CCDC144A: variants seen among roughly 807,000 people sequenced by gnomAD.
CCDC144A encodes the protein coiled-coil domain-containing protein 144A.
In CCDC144A, 41 loss-of-function variants were observed where a neutral mutation model predicts 143.8. The ratio of observed to expected loss-of-function variants is 0.29; its 90% CI spans 0.22 to 0.37. The LOEUF is 0.37. CCDC144A is among the 10% of genes least tolerant of loss of function. The pLI is 1.00. For synonymous variants in CCDC144A, 242 were observed against 517.9 expected, an observed-to-expected ratio of 0.47 and a Z score of 7.23; for missense variants, 637 against 1,488.8, an observed-to-expected ratio of 0.43 and a Z score of 9.41.
rs11535033 is a variant in CCDC144A at position 16,761,641 on chromosome 17, T to C, written c.3589T>C (p.Trp1197Arg). ...TATGTTAGAACGTGGTAAAGCTGAA[T>C]GGCATAAACTGTTGATTGAAGAAAG... The part of the protein sequence containing the change: ...RNMLERGKAE[W>R]HKLLIEERAR... The change falls in exon 13 of 17, where the codon TGG becomes CGG. Residue 1197 changes from tryptophan to arginine, a missense_variant. By Grantham distance (101) the Trp-to-Arg change is moderately radical. Transcript: ENST00000399273. 9 of 1,613,756 alleles carry C rather than the reference T, an allele frequency of 5.6e-6. No homozygotes were observed. Among genetic ancestry groups the C allele is most frequent in the African/African-American group, 2.7e-5 (2 of 75,060 alleles).
chr17:16,748,612 G>A (rs1314239851), intron 12 of CCDC144A, among the ~76,000 whole-genome samples: 1 of 152,144 alleles, frequency 6.6e-6, no homozygotes, highest in African/African-American at 2.4e-5. Context: ...CATACAATGA[G>A]TTAGGGAGAA....
intron 12 of CCDC144A, among the ~76,000 whole-genome samples, chr17:16,737,034 G>T (rs1914041275): frequency 6.6e-6 from 1 of 151,246 alleles, no homozygotes; most frequent in Non-Finnish European, 1.5e-5. Flanking sequence ...AACCGATTTG[G>T]CAGGAAGATA....
At chr17:16,700,445 A>G (rs913000582) in intron 2 of CCDC144A, among the ~76,000 whole-genome samples, 4 of 152,192 alleles carry the variant, frequency 2.6e-5, no homozygotes, top group African/African-American at 9.7e-5. Flanking sequence ...ACATTTGCAC[A>G]AACAGTTTAG....
chr17:16,685,342 G>A (rs764430345), upstream of CCDC144A, among the ~76,000 whole-genome samples: 3 of 151,524 alleles, frequency 2.0e-5, no homozygotes, highest in Non-Finnish European at 4.4e-5. Flanking sequence ...ATGCCTTTTT[G>A]CACTAGCTAG....
At chr17:16,737,182 T>TA (rs1380413295) in intron 12 of CCDC144A, among the ~76,000 whole-genome samples, 1 of 147,918 alleles carries the variant, frequency 6.8e-6, no homozygotes, top group African/African-American at 2.5e-5. Context: ...TTTTTTTTTT[T>TA]TTGAGACGGA....
Position 16,776,263 on chromosome 17 carries a change from G to C in CCDC144A, c.*2630G>C, listed in dbSNP as rs1026010856. 1 of 152,224 alleles carries C rather than the reference G, an allele frequency of 6.6e-6. No individual in the cohort carries two copies. Among genetic ancestry groups the C allele is most frequent in the East Asian group, 1.9e-4 (1 of 5,194 alleles). 9.4% of individuals were successfully genotyped at this position (152,224 alleles called of 1,614,324 possible). ...AAGAATGTGAATAGTAGTTTAATGG[G>C]CCTAGCATTTAATTTACAGATTGCC... On this transcript the variant is annotated 3_prime_UTR_variant, in exon 17 of 17. Transcript: ENST00000399273.
the CCDC144A span, among the ~76,000 whole-genome samples, chr17:16,668,512 T>C: frequency 0.022 from 3,356 of 152,326 alleles, 113 homozygotes; most frequent in African/African-American, 0.077. Flanking sequence ...ACTATGTGCT[T>C]GGACACAAAC....
At chr17:16,728,679 A>G (rs566817210) in intron 9 of CCDC144A, among the ~76,000 whole-genome samples, 207 of 152,220 alleles carry the variant, frequency 1.4e-3, no homozygotes, top group African/African-American at 4.7e-3. Flanking sequence ...TAGTGTGCCT[A>G]TCACCCGAGT....
At position 16,716,179 on chromosome 17, in the gene CCDC144A, T is replaced by C. The variant is rs538091270; in HGVS notation, c.1716-4019T>C. Among the ~76,000 whole-genome samples, 4 of 152,250 alleles carry C rather than the reference T, an allele frequency of 2.6e-5. No homozygotes were observed. In the South Asian group the frequency reaches 8.3e-4, roughly 32 times the overall value. On this transcript the variant is annotated intron_variant, in intron 6 of 16. Coordinates refer to ENST00000399273, the MANE Select transcript of CCDC144A (RefSeq NM_001382000.1). ...ATTGCTCTCAGGAAGATCTCTTTTT[T>C]TGATGCTTAGTCTTAACCAGAAGAA...
intron 15 of CCDC144A, among the ~76,000 whole-genome samples, chr17:16,770,245 G>A (rs1915774551): frequency 6.6e-6 from 1 of 151,986 alleles, no homozygotes; most frequent in African/African-American, 2.4e-5. Flanking sequence ...CGCCTCCTGG[G>A]TTCACACCAT....
intron 4 of CCDC144A, 123 bp downstream of exon 4, chr17:16,707,665 T>G: frequency 1.9e-6 from 1 of 517,378 alleles, no homozygotes; most frequent in Non-Finnish European, 3.5e-6. Context: ...CAATAGATCC[T>G]TACTTAATAT....
At chr17:16,696,104 T>C (rs1241227021) in intron 2 of CCDC144A, among the ~76,000 whole-genome samples, 1 of 152,134 alleles carries the variant, frequency 6.6e-6, no homozygotes, top group Admixed American at 6.5e-5. Flanking sequence ...AACCTCCGCC[T>C]CCCGAGTTCA....
chr17:16,763,048 C>G (rs1161030458), intron 14 of CCDC144A, among the ~76,000 whole-genome samples: 1 of 150,970 alleles, frequency 6.6e-6, no homozygotes, highest in East Asian at 1.9e-4. Flanking sequence ...TAGAGGGTGC[C>G]TTGAGAAGAA....
intron 3 of CCDC144A, chr17:16,707,054 T>C (rs1912105236): frequency 6.4e-6 from 1 of 156,128 alleles, no homozygotes; most frequent in South Asian, 2.0e-4. Flanking sequence ...GAAGTGGTTG[T>C]ACACCAATAA....
chr17:16,671,092 T>A, the CCDC144A span, among the ~76,000 whole-genome samples: 1 of 151,966 alleles, frequency 6.6e-6, no homozygotes, highest in South Asian at 2.1e-4. Flanking sequence ...GTTCAAGCGA[T>A]TCTCCTGCCT....
At chr17:16,682,896 T>A in the CCDC144A span, among the ~76,000 whole-genome samples, 2 of 111,766 alleles carry the variant, frequency 1.8e-5, no homozygotes, top group African/African-American at 3.5e-5. Flanking sequence ...TTTTTTTTTT[T>A]TTTTTTTTTT....
chr17:16,676,606 G>A, the CCDC144A span, among the ~76,000 whole-genome samples: 1 of 151,498 alleles, frequency 6.6e-6, no homozygotes, highest in African/African-American at 2.4e-5. Context: ...ATCAAATAAT[G>A]TACAAAAATA....
At chr17:16,746,132 G>A in intron 12 of CCDC144A, 2 of 1,580,618 alleles carry the variant, frequency 1.3e-6, no homozygotes, top group Non-Finnish European at 1.7e-6. Flanking sequence ...ATTCCTGCTT[G>A]CCACCTCCAG....
intron 13 of CCDC144A, among the ~76,000 whole-genome samples, 159 bp downstream of exon 13, chr17:16,761,877 T>G (rs568415874): frequency 6.6e-6 from 1 of 152,388 alleles, no homozygotes; most frequent in Admixed American, 6.5e-5. Flanking sequence ...AATATTTTCG[T>G]TTCCATCATT....
Sources: gnomAD v4.1 joint callset for allele counts (sites outside exome capture counted in the v4.1 genomes callset) on GRCh38, gnomAD v4.1.1 for gene constraint, MANE v1.5 for transcripts, NCBI Gene and HGNC (gene_info 2026-07-23, HGNC 2026-07-21) for gene names.